Variants in GALNS observed in about 807,000 individuals in gnomAD.
GALNS encodes galactosamine (N-acetyl)-6-sulfatase.
GALNS carries 65 observed loss-of-function variants against 65.9 expected under a neutral mutation model. The ratio of observed to expected loss-of-function variants is 0.99; its 90% confidence interval spans 0.81 to 1.21. GALNS has a LOEUF of 1.21. Ranked by LOEUF, GALNS falls within the 50% of genes most tolerant of loss-of-function variation. GALNS has a pLI of 0.00. For synonymous variants in GALNS, 346 were observed against 288.9 expected, an observed-to-expected ratio of 1.20 and a Z score of -2.00; for missense variants, 776 against 700.7, an observed-to-expected ratio of 1.11 and a Z score of -1.21.
intron 12 of GALNS, among the ~76,000 whole-genome samples, chr16:88,818,643 G>T (rs903524733): frequency 3.3e-5 from 5 of 152,242 alleles, no homozygotes; most frequent in African/African-American, 9.6e-5. Flanking sequence ...CGATTACACG[G>T]CTCGACGAGG....
Position 88,842,045 on chromosome 16 carries a change from C to A in GALNS, c.245-74G>T, listed in dbSNP as rs568065202. ...AGACCCCGGGCGTCAACAAGAGCCC[C>A]AACGAGTAGACAGACGCGTGACAGA... On this transcript the variant is annotated intron_variant, in intron 2 of 13. Coordinates refer to ENST00000268695, the MANE Select transcript of GALNS (RefSeq NM_000512.5). The A allele has an allele frequency of 2.5e-5, 33 of 1,319,596 alleles. No homozygotes were observed. In the South Asian group the frequency reaches 3.1e-4, roughly 12 times the overall value. 81.7% of individuals were successfully genotyped at this position (1,319,596 alleles called of 1,614,324 possible). A position where few individuals can be genotyped will look rare whatever the true frequency, so the allele number is the denominator to read the frequency against.
chr16:88,818,398 C>T (rs1567513597), intron 12 of GALNS, among the ~76,000 whole-genome samples: 1 of 152,222 alleles, frequency 6.6e-6, no homozygotes, highest in Non-Finnish European at 1.5e-5. Flanking sequence ...GTAGAGCCGT[C>T]CCATCCTGTC....
chr16:88,836,420 C>G (rs559524846), intron 5 of GALNS, among the ~76,000 whole-genome samples, 153 bp from the exon 6 acceptor site: 1 of 152,202 alleles, frequency 6.6e-6, no homozygotes, highest in African/African-American at 2.4e-5. Context: ...TTTTGGGAGG[C>G]TGAGGAAGGT....
chr16:88,818,182 G>T, intron 12 of GALNS, 58 bp from the exon 13 acceptor site: 2 of 1,387,300 alleles, frequency 1.4e-6, no homozygotes, highest in African/African-American at 1.4e-5. Context: ...ACGGAGAGGG[G>T]CTGGCCTGGA....
intron 8 of GALNS, 148 bp downstream of exon 8, chr16:88,835,065 G>T: frequency 9.5e-7 from 1 of 1,048,366 alleles, no homozygotes; most frequent in Non-Finnish European, 1.4e-6. Context: ...CCTTGCTCGA[G>T]GCTCGGTGAC....
chr16:88,824,988 A>C (rs1226166528), intron 10 of GALNS, 119 bp from the exon 11 acceptor site: 1 of 792,112 alleles, frequency 1.3e-6, no homozygotes, highest in African/African-American at 1.7e-5. Flanking sequence ...CTTGGTTGAT[A>C]CTTTACAAAG....
intron 4 of GALNS, chr16:88,840,744 G>C (rs2143004430): frequency 3.7e-6 from 2 of 543,344 alleles, no homozygotes; most frequent in South Asian, 2.0e-5. Flanking sequence ...GACGGTGACA[G>C]GCCTGCGGAG....
In GALNS at chr16:88,842,653, C is replaced by T. The variant is rs1243054049; in HGVS notation, c.244+53G>A. 3.6e-5 allele frequency: 58 copies of T among 1,601,004 alleles called. 1 individual carries two copies. On this transcript the variant is annotated intron_variant, in intron 2 of 13. Coordinates refer to ENST00000268695, the MANE Select transcript of GALNS (RefSeq NM_000512.5). ...GTCAGGGCTGGAAGGACCCGGGAGG[C>T]CTCGGCCTGTTGGGCTCACCCCTTC...
At chr16:88,817,963 G>A (rs1270899865) in intron 13 of GALNS, 44 bp downstream of exon 13, 5 of 1,488,142 alleles carry the variant, frequency 3.4e-6, no homozygotes, top group South Asian at 1.2e-5. Flanking sequence ...GTGGGTGGCT[G>A]CAGCCCCGGC....
rs766495857 is a variant in GALNS at position 88,836,176 on chromosome 16, G to A, written c.633+25C>T. ...TCCCCGTCCCCATGCGTCCCACAGG[G>A]CGAGGATGGTGCGGTCCCCATCACC... On this transcript the variant is annotated intron_variant, in intron 6 of 13. Coordinates refer to ENST00000268695, the MANE Select transcript of GALNS (RefSeq NM_000512.5). 1.9e-6 allele frequency: 3 copies of A among 1,608,724 alleles called. No individual in the cohort carries two copies. In the East Asian group the frequency reaches 6.7e-5, roughly 36 times the overall value.
rs748757044 is a variant in GALNS at position 88,832,106 on chromosome 16, G to A, written c.899-5C>T. On this transcript the variant is annotated splice_region_variant and splice_polypyrimidine_tract_variant and intron_variant, in intron 8 of 13. Transcript: ENST00000268695. The stretch of plus-strand genomic sequence containing the variant: ...GAAAGGGGCCGTTGCTGCCACCTGG[G>A]AGAGAGGGGCCCTTGTCAGGCCACT... 1 of 1,612,912 alleles carries A rather than the reference G, an allele frequency of 6.2e-7. No individual in the cohort carries two copies. The highest frequency in any genetic ancestry group is 1.7e-5 in the Admixed American group (1 of 59,964).
At chr16:88,850,960 G>A (rs765202609) in intron 1 of GALNS, among the ~76,000 whole-genome samples, 3 of 152,232 alleles carry the variant, frequency 2.0e-5, no homozygotes, top group Non-Finnish European at 4.4e-5. Flanking sequence ...GACGCCAGCC[G>A]AGGGCAAAAA....
chr16:88,856,423 A>C (rs890488843), intron 1 of GALNS: 85 of 700,384 alleles, frequency 1.2e-4, no homozygotes, highest in Non-Finnish European at 1.9e-4. Flanking sequence ...CGGGGGAGGC[A>C]GGGCCCGGTA....
At chr16:88,849,329 G>A (rs1967402202) in intron 1 of GALNS, among the ~76,000 whole-genome samples, 1 of 152,110 alleles carries the variant, frequency 6.6e-6, no homozygotes. Context: ...CTGTCACCCA[G>A]GTTGGAGTGC....
chr16:88,847,675 T>C (rs917147423), intron 1 of GALNS, among the ~76,000 whole-genome samples: 1 of 152,228 alleles, frequency 6.6e-6, no homozygotes, highest in Non-Finnish European at 1.5e-5. Context: ...TAGAGTCTGA[T>C]CGCTGATTGT....
chr16:88,824,145 C>G (rs932293994), intron 11 of GALNS, among the ~76,000 whole-genome samples: 5 of 152,154 alleles, frequency 3.3e-5, no homozygotes, highest in East Asian at 1.9e-4. Context: ...GACTTTGATG[C>G]TGGGAGTGGG....
In GALNS at chr16:88,826,783, GCA is replaced by G; in HGVS notation, c.1056_1057del (p.Ala353GlyfsTer11). 6.2e-7 allele frequency: 1 copy of G among 1,602,820 alleles called. No homozygotes were observed. The highest frequency in any genetic ancestry group is 8.5e-7 in the Non-Finnish European group (1 of 1,175,302). ...CCTGTCGCTGGGCGGCGTCAGGCCCGCAAGGGCCAGGCTGGTGGTGAAGAGGT... is the reference window on the plus strand; with the variant it reads ...CCTGTCGCTGGGCGGCGTCAGGCCCGAGGGCCAGGCTGGTGGTGAAGAGGT... On this transcript the variant is annotated frameshift_variant, in exon 10 of 14. Transcript: ENST00000268695. LOFTEE classifies it high-confidence loss of function.
intron 4 of GALNS, 127 bp downstream of exon 4, chr16:88,840,865 A>G: frequency 1.3e-6 from 1 of 774,856 alleles, no homozygotes; most frequent in Admixed American, 1.9e-5. Context: ...GAACACACCC[A>G]GAATCAGCTG....
chr16:88,855,789 C>T lies in GALNS; in HGVS notation c.120+969G>A, dbSNP rs561542082. Reference sequence around the variant, plus strand: ...CCCAGCCCTTGGGTGTGGCCCGTGGCCCCCACTGGTCAGCACAGGTGGGTC... The same window carrying T: ...CCCAGCCCTTGGGTGTGGCCCGTGGTCCCCACTGGTCAGCACAGGTGGGTC... On this transcript the variant is annotated intron_variant, in intron 1 of 13. Transcript: ENST00000268695. 5 of 527,500 alleles carry T rather than the reference C, an allele frequency of 9.5e-6. No individual in the cohort carries two copies. The East Asian group carries it at 1.0e-4, about 11-fold the overall frequency. 32.7% of individuals were successfully genotyped at this position (527,500 alleles called of 1,614,324 possible). A position where few individuals can be genotyped will look rare whatever the true frequency, so the allele number is the denominator to read the frequency against.
Sources: allele counts gnomAD v4.1 joint callset (sites outside exome capture counted in the v4.1 genomes callset), GRCh38; gene constraint gnomAD v4.1.1; transcripts MANE v1.5; gene names NCBI Gene and HGNC (gene_info 2026-07-23, HGNC 2026-07-21).